The following FHIT variants were observed in gnomAD, a reference collection of about 807,000 sequenced individuals.
FHIT encodes the protein bis(5'-adenosyl)-triphosphatase.
A neutral mutation model predicts 17.9 loss-of-function variants in FHIT; 19 were observed. That is an observed-to-expected ratio of 1.06 (90% CI 0.74 to 1.56). The LOEUF is 1.56. Among genes scored for constraint, FHIT ranks in the 40% most tolerant of loss-of-function variants. The pLI is 0.00. For missense variants in FHIT, 248 were observed against 189.2 expected (o/e 1.31, Z -1.82); for synonymous variants, 81 against 69.7 (o/e 1.16, Z -0.81).
chr3:60,223,716 A>C (rs1041032408), intron 5 of FHIT, among the ~76,000 whole-genome samples: 1 of 152,142 alleles, frequency 6.6e-6, no homozygotes, highest in African/African-American at 2.4e-5. Context: ...TCATTCCTAC[A>C]TACAGGTGCT....
At chr3:60,561,858 T>C (rs578048881) in intron 4 of FHIT, among the ~76,000 whole-genome samples, 17 of 151,454 alleles carry the variant, frequency 1.1e-4, no homozygotes. Flanking sequence ...CTCTTTTTTA[T>C]TGCCCAGACT....
chr3:60,632,085 T>A (rs1360217081), intron 4 of FHIT, among the ~76,000 whole-genome samples: 1 of 9,430 alleles, frequency 1.1e-4, no homozygotes, highest in East Asian at 4.7e-3. Context: ...GAAAGAAGTG[T>A]TTTTTTTTTG....
rs562241722 is a variant in FHIT at position 60,648,673 on chromosome 3, T to C, written c.-17-111694A>G. On this transcript the variant is annotated intron_variant, in intron 4 of 9. Coordinates refer to ENST00000492590, the MANE Select transcript of FHIT (RefSeq NM_002012.4). ...CAGGAGCAAAGGCAAAACACTCCTGTTGCTTTTCTTGTTCTGCAAAACTCT... is the reference window on the plus strand; with the variant it reads ...CAGGAGCAAAGGCAAAACACTCCTGCTGCTTTTCTTGTTCTGCAAAACTCT... Among the ~76,000 whole-genome samples the C allele has an allele frequency of 2.0e-5, 3 of 152,374 alleles. No individual in the cohort carries two copies. In the South Asian group the frequency reaches 6.2e-4, roughly 32 times the overall value.
chr3:59,752,330 A>G lies in FHIT; in HGVS notation c.349-9T>C. On this transcript the variant is annotated splice_polypyrimidine_tract_variant and intron_variant, in intron 8 of 9. Coordinates refer to ENST00000492590, the MANE Select transcript of FHIT (RefSeq NM_002012.4). ...TTGTCATGTTTCTGGAGCTTTGGAG[A>G]AAAAAAAAGGAAGAGGCTCTTTCAT... The G allele has an allele frequency of 1.9e-6, 3 of 1,575,692 alleles. No individual in the cohort carries two copies. The highest frequency in any genetic ancestry group is 2.6e-6 in the Non-Finnish European group (3 of 1,155,162).
At chr3:60,210,551 G>C (rs1228321705) in intron 5 of FHIT, among the ~76,000 whole-genome samples, 1 of 151,678 alleles carries the variant, frequency 6.6e-6, no homozygotes. Context: ...GCAAAATCAG[G>C]AAAAAAACAG....
intron 4 of FHIT, among the ~76,000 whole-genome samples, chr3:60,715,638 G>T: frequency 8.6e-6 from 1 of 116,436 alleles, no homozygotes; most frequent in Non-Finnish European, 1.7e-5. Context: ...GGGGGAGGGG[G>T]GAGGGGTAGC....
chr3:60,974,508 C>T (rs920704041), intron 3 of FHIT, among the ~76,000 whole-genome samples: 1 of 152,148 alleles, frequency 6.6e-6, no homozygotes, highest in Non-Finnish European at 1.5e-5. Flanking sequence ...GAAGACCTGC[C>T]TAAGACTGAA....
At chr3:60,768,915 T>C (rs1331461732) in intron 4 of FHIT, among the ~76,000 whole-genome samples, 3 of 152,218 alleles carry the variant, frequency 2.0e-5, no homozygotes, top group Admixed American at 1.3e-4. Flanking sequence ...GCTGTTTGTA[T>C]GGACCCCATC....
chr3:60,042,909 T>C (rs1391717542), intron 5 of FHIT, among the ~76,000 whole-genome samples: 3 of 152,196 alleles, frequency 2.0e-5, no homozygotes, highest in Non-Finnish European at 2.9e-5. Flanking sequence ...AAAGGTACCA[T>C]TGCCACCTAT....
At chr3:59,797,731 C>T (rs1408206165) in intron 8 of FHIT, among the ~76,000 whole-genome samples, 1 of 152,072 alleles carries the variant, frequency 6.6e-6, no homozygotes, top group East Asian at 1.9e-4. Flanking sequence ...CTGACAGTGC[C>T]ATTAAAAGTC....
chr3:59,896,777 A>G (rs1704090716), intron 8 of FHIT, among the ~76,000 whole-genome samples: 1 of 152,230 alleles, frequency 6.6e-6, no homozygotes, highest in African/African-American at 2.4e-5. Context: ...TGTGAAAGAA[A>G]ATAATTAAGG....
chr3:60,334,400 GACTTT>G (rs1187064802), intron 5 of FHIT, among the ~76,000 whole-genome samples: 1 of 152,160 alleles, frequency 6.6e-6, no homozygotes, highest in African/African-American at 2.4e-5. Flanking sequence ...AGAGTCTCTA[GACTTT>G]ACTTTATATG....
At chr3:60,051,387 T>G (rs563263018) in intron 5 of FHIT, among the ~76,000 whole-genome samples, 5 of 148,140 alleles carry the variant, frequency 3.4e-5, no homozygotes, top group Admixed American at 6.9e-5. Flanking sequence ...TGCCAACTGA[T>G]CAGACCATGA....
intron 5 of FHIT, among the ~76,000 whole-genome samples, chr3:60,479,174 G>A (rs1272430515): frequency 6.6e-6 from 1 of 152,198 alleles, no homozygotes; most frequent in Non-Finnish European, 1.5e-5. Flanking sequence ...CTCAAAGGAA[G>A]AAAGAAAATA....
chr3:61,194,497 A>G (rs2107220905), intron 2 of FHIT, among the ~76,000 whole-genome samples: 1 of 152,316 alleles, frequency 6.6e-6, no homozygotes, highest in East Asian at 1.9e-4. Flanking sequence ...CTAACTGTAC[A>G]ACAGGTAGTT....
intron 5 of FHIT, among the ~76,000 whole-genome samples, chr3:60,053,425 T>C (rs115753920): frequency 4.9e-4 from 73 of 149,914 alleles, no homozygotes; most frequent in Middle Eastern, 3.4e-3. Context: ...TTTTATCATA[T>C]AATGGAAATC....
chr3:60,561,833 A>C (rs1441745612), intron 4 of FHIT, among the ~76,000 whole-genome samples: 2 of 152,102 alleles, frequency 1.3e-5, no homozygotes, highest in African/African-American at 4.8e-5. Context: ...ACCATTCTTA[A>C]TATCAAAACA....
At chr3:61,017,077 A>G (rs1285883311) in intron 3 of FHIT, among the ~76,000 whole-genome samples, 1 of 152,216 alleles carries the variant, frequency 6.6e-6, no homozygotes, top group Non-Finnish European at 1.5e-5. Context: ...GCCTGAGGTC[A>G]GGAGTTCAAG....
chr3:60,196,810 T>C (rs924471188), intron 5 of FHIT, among the ~76,000 whole-genome samples: 8 of 149,054 alleles, frequency 5.4e-5, no homozygotes, highest in African/African-American at 1.5e-4. Flanking sequence ...CATACTATGA[T>C]AGTAAATGTT....
Sources: allele counts gnomAD v4.1 joint callset (sites outside exome capture counted in the v4.1 genomes callset), GRCh38; gene constraint gnomAD v4.1.1; transcripts MANE v1.5; gene names NCBI Gene and HGNC (gene_info 2026-07-23, HGNC 2026-07-21).